The following KIF5C variants were observed in gnomAD, a reference collection of about 807,000 sequenced individuals.
KIF5C encodes kinesin family member 5C, also known as kinesin heavy chain isoform 5C.
Under a neutral mutation model 125.2 loss-of-function variants are expected in KIF5C, and 18 were observed. That is an observed-to-expected ratio of 0.14 (90% CI 0.10 to 0.21). KIF5C has a LOEUF of 0.21. KIF5C is among the 10% of genes least tolerant of loss of function. The pLI, the probability that KIF5C is intolerant of heterozygous loss-of-function variation, is 1.00. For missense variants in KIF5C, 780 were observed against 1,183.8 expected, an observed-to-expected ratio of 0.66 and a Z score of 5.01; for synonymous variants, 405 against 434.0, an observed-to-expected ratio of 0.93 and a Z score of 0.83.
At chr2:148,912,331 T>C (rs1421367050) in intron 1 of KIF5C, among the ~76,000 whole-genome samples, 2 of 152,264 alleles carry the variant, frequency 1.3e-5, no homozygotes, top group African/African-American at 4.8e-5. Flanking sequence ...TAGAAATCTT[T>C]TAAAAGATGC....
At position 148,917,761 on chromosome 2, in the gene KIF5C, CTG is replaced by C. The variant is rs1282318609; in HGVS notation, c.127-4373_127-4372del. ...TTCCACAGAGTGAGTTTAAATCTCT[CTG>C]TGAAAATTTTAGCCTTTGCTTGTTT... On this transcript the variant is annotated intron_variant, in intron 1 of 25. Coordinates refer to ENST00000435030, the MANE Select transcript of KIF5C (RefSeq NM_004522.3). Among the ~76,000 whole-genome samples the C allele has an allele frequency of 6.6e-5, 10 of 152,336 alleles. No homozygotes were observed. The East Asian group carries it at 1.7e-3, about 26-fold the overall frequency.
intron 25 of KIF5C, among the ~76,000 whole-genome samples, chr2:149,022,297 G>A (rs988827469): frequency 3.3e-5 from 5 of 152,280 alleles, no homozygotes; most frequent in African/African-American, 1.2e-4. Context: ...TTATGGAAGA[G>A]AATGTTGAGA....
At chr2:148,875,853 G>A (rs1681166256) in intron 1 of KIF5C, 110 bp downstream of exon 1, 1 of 1,443,548 alleles carries the variant, frequency 6.9e-7, no homozygotes, top group Admixed American at 2.4e-5. Context: ...CATTCCCGCG[G>A]GGCTGGCCTC....
intron 25 of KIF5C, among the ~76,000 whole-genome samples, chr2:149,018,364 C>T (rs578162033): frequency 1.3e-5 from 2 of 152,326 alleles, no homozygotes; most frequent in South Asian, 2.1e-4. Context: ...ACTCCGTGCT[C>T]ATCTGTGTTG....
At chr2:148,973,575 T>A in intron 12 of KIF5C, 64 bp downstream of exon 12, 1 of 1,511,274 alleles carries the variant, frequency 6.6e-7, no homozygotes, top group Non-Finnish European at 8.8e-7. Context: ...AGGTCCCAGC[T>A]CCCTATGGGG....
chr2:148,975,245 C>T (rs932518453), intron 12 of KIF5C, among the ~76,000 whole-genome samples: 3 of 152,102 alleles, frequency 2.0e-5, no homozygotes, highest in Non-Finnish European at 4.4e-5. Flanking sequence ...GTGACCCTTC[C>T]CAAAGACTGC....
In KIF5C at chr2:149,023,402, G is replaced by GC. The variant is rs1682594216; in HGVS notation, c.*335dup. On this transcript the variant is annotated 3_prime_UTR_variant, in exon 26 of 26. Coordinates refer to ENST00000435030, the MANE Select transcript of KIF5C (RefSeq NM_004522.3). ...GGGCAGTGCACTGTCCCATCTGTAC[G>GC]CCCTAATGTGCCATTCCCTAGAGGG... The GC allele has an allele frequency of 1.3e-5, 2 of 152,582 alleles. No homozygotes were observed. The highest frequency in any genetic ancestry group is 2.4e-5 in the African/African-American group (1 of 41,424). 9.5% of individuals were successfully genotyped at this position (152,582 alleles called of 1,614,324 possible).
chr2:148,961,934 A>G, intron 10 of KIF5C, 37 bp from the exon 11 acceptor site: 1 of 1,593,692 alleles, frequency 6.3e-7, no homozygotes, highest in South Asian at 1.1e-5. Context: ...TAATGGTAAT[A>G]ATTAGCTGAA....
intron 4 of KIF5C, among the ~76,000 whole-genome samples, chr2:148,937,997 C>T (rs1246563792): frequency 6.6e-6 from 1 of 152,074 alleles, no homozygotes; most frequent in African/African-American, 2.4e-5. Flanking sequence ...TTTTATCTTC[C>T]CCCTTGTATT....
chr2:148,999,744 T>C (rs1446862036), intron 19 of KIF5C, among the ~76,000 whole-genome samples: 3 of 152,238 alleles, frequency 2.0e-5, no homozygotes, highest in African/African-American at 7.2e-5. Context: ...GAAGCTTCCC[T>C]GGCTTGTGCC....
chr2:148,906,825 C>G (rs1420499021), intron 1 of KIF5C, among the ~76,000 whole-genome samples: 2 of 151,900 alleles, frequency 1.3e-5, no homozygotes, highest in African/African-American at 4.8e-5. Context: ...GAGATCATAC[C>G]ACTGCACTCC....
intron 2 of KIF5C, 46 bp from the exon 3 acceptor site, chr2:148,929,235 T>C (rs1366975953): frequency 8.3e-7 from 1 of 1,208,190 alleles, no homozygotes; most frequent in South Asian, 1.3e-5. Context: ...CACCAGCATA[T>C]GATCAAAGTA....
chr2:148,957,602 A>AC lies in KIF5C; in HGVS notation c.969-4369_969-4368insC, dbSNP rs1553466364. 3.8e-3 allele frequency among the ~76,000 whole-genome samples: 446 copies of AC among 118,240 alleles called. 1 individual carries two copies. Among genetic ancestry groups the AC allele is most frequent in the African/African-American group, 0.011 (396 of 37,500 alleles). 77.6% of individuals were successfully genotyped at this position (118,240 alleles called of 152,430 possible). On this transcript the variant is annotated intron_variant, in intron 10 of 25. Transcript: ENST00000435030. ...GAATGTTTGTTCTAGTAAAAAAAAA[A>AC]AAAAAAAAAAAAAAACAATAAACCT...
At chr2:148,891,887 G>A (rs1681717637) in intron 1 of KIF5C, among the ~76,000 whole-genome samples, 1 of 152,020 alleles carries the variant, frequency 6.6e-6, no homozygotes, top group Admixed American at 6.5e-5. Flanking sequence ...TAGTAGAGGT[G>A]GGGTTTCACC....
In KIF5C at chr2:148,915,859, C is replaced by T. The variant is rs117594418; in HGVS notation, c.127-6278C>T. ...TAGGGGTAATGGGAGCCTCATCCCA[C>T]TGGGGAGGTCTGGGTGCCAGTTTGG... On this transcript the variant is annotated intron_variant, in intron 1 of 25. Coordinates refer to ENST00000435030, the MANE Select transcript of KIF5C (RefSeq NM_004522.3). Among the ~76,000 whole-genome samples the T allele has an allele frequency of 3.2e-4, 49 of 152,306 alleles. No individual in the cohort carries two copies. In the East Asian group the frequency reaches 8.7e-3, roughly 27 times the overall value.
chr2:148,906,752 C>T (rs1459977252), intron 1 of KIF5C, among the ~76,000 whole-genome samples: 1 of 151,444 alleles, frequency 6.6e-6, no homozygotes, highest in Non-Finnish European at 1.5e-5. Context: ...GTAGTCCCAG[C>T]TCCTCAGTGG....
chr2:148,951,387 A>G (rs1244630916), intron 10 of KIF5C, among the ~76,000 whole-genome samples: 2 of 152,204 alleles, frequency 1.3e-5, no homozygotes, highest in East Asian at 1.9e-4. Context: ...GTACGACTCC[A>G]TAATCGTAAA....
chr2:148,943,521 C>T (rs1682456803), intron 7 of KIF5C, among the ~76,000 whole-genome samples: 1 of 152,098 alleles, frequency 6.6e-6, no homozygotes, highest in African/African-American at 2.4e-5. Context: ...GGTGTGTGGA[C>T]AATGTAATAT....
At chr2:148,922,420 T>C (rs1421458958) in intron 2 of KIF5C, among the ~76,000 whole-genome samples, 193 bp downstream of exon 2, 2 of 152,234 alleles carry the variant, frequency 1.3e-5, no homozygotes, top group African/African-American at 4.8e-5. Context: ...CTCTCTATTC[T>C]CCCTTTTCAA....
Sources: gnomAD v4.1 joint callset for allele counts (sites outside exome capture counted in the v4.1 genomes callset) on GRCh38, gnomAD v4.1.1 for gene constraint, MANE v1.5 for transcripts, NCBI Gene and HGNC (gene_info 2026-07-23, HGNC 2026-07-21) for gene names.